Variants in NCAM2 observed in about 807,000 individuals in gnomAD.
NCAM2 encodes the protein N-CAM-2.
Under a neutral mutation model 98.1 loss-of-function variants are expected in NCAM2, and 30 were observed. The observed-to-expected ratio is 0.31, with a 90% CI of 0.23 to 0.41. The LOEUF (loss-of-function observed/expected upper bound fraction) is 0.41, where lower values mean the gene tolerates loss of function less well. NCAM2 is among the 10% of genes least tolerant of loss of function. The pLI is 1.00. For synonymous variants in NCAM2, 368 were observed against 342.4 expected, an observed-to-expected ratio of 1.07 and a Z score of -0.83; for missense variants, 867 against 1,005.8, an observed-to-expected ratio of 0.86 and a Z score of 1.87.
At chr21:21,192,315 G>T (rs1442794346) in intron 1 of NCAM2, among the ~76,000 whole-genome samples, 2 of 152,130 alleles carry the variant, frequency 1.3e-5, no homozygotes, top group Non-Finnish European at 2.9e-5. Context: ...AATTTAGATG[G>T]ATGAGAATCA....
At chr21:21,528,053 A>C (rs1484775492) in intron 16 of NCAM2, among the ~76,000 whole-genome samples, 1 of 152,234 alleles carries the variant, frequency 6.6e-6, no homozygotes, top group Non-Finnish European at 1.5e-5. Flanking sequence ...GACATGGAGG[A>C]AACTTAGATG....
intron 1 of NCAM2, among the ~76,000 whole-genome samples, chr21:21,221,733 A>G (rs1339265299): frequency 6.6e-6 from 1 of 152,186 alleles, no homozygotes; most frequent in African/African-American, 2.4e-5. Context: ...ATGTTAGGTG[A>G]ATTTGGAAAT....
intron 16 of NCAM2, among the ~76,000 whole-genome samples, chr21:21,514,623 ATCTT>A (rs1350345583): frequency 6.6e-6 from 1 of 152,060 alleles, no homozygotes; most frequent in Admixed American, 6.6e-5. Context: ...TTTCCACTAA[ATCTT>A]TATCATTTCG....
chr21:21,356,580 T>C (rs1385619292), intron 8 of NCAM2, among the ~76,000 whole-genome samples: 3 of 152,188 alleles, frequency 2.0e-5, no homozygotes, highest in Non-Finnish European at 4.4e-5. Flanking sequence ...GTCATAGTAA[T>C]TTATGTAACT....
intron 1 of NCAM2, among the ~76,000 whole-genome samples, chr21:21,039,232 A>G (rs777297360): frequency 2.6e-5 from 4 of 152,112 alleles, no homozygotes; most frequent in Non-Finnish European, 2.9e-5. Context: ...CTATCATTCT[A>G]TGGTCTACCT....
intron 16 of NCAM2, among the ~76,000 whole-genome samples, chr21:21,527,042 A>G (rs1273603547): frequency 6.6e-6 from 1 of 152,206 alleles, no homozygotes; most frequent in Non-Finnish European, 1.5e-5. Flanking sequence ...CATGGCAGAT[A>G]ATCTAGATGA....
In NCAM2 at chr21:21,028,642, A is replaced by G. The variant is rs1039850710; in HGVS notation, c.55+30024A>G. Among the ~76,000 whole-genome samples the G allele has an allele frequency of 8.5e-5, 13 of 152,242 alleles. 1 individual carries two copies. The highest frequency in any genetic ancestry group is 8.5e-4 in the Admixed American group (13 of 15,282). On this transcript the variant is annotated intron_variant, in intron 1 of 17. Coordinates refer to ENST00000400546, the MANE Select transcript of NCAM2 (RefSeq NM_004540.5). The stretch of plus-strand genomic sequence containing the variant: ...AACTGAATTAAAATGAGACAGTGCA[A>G]TGCAATATGCAGAATTACGCAAGAC...
chr21:21,483,902 T>C (rs1986116370), intron 15 of NCAM2, among the ~76,000 whole-genome samples: 1 of 152,200 alleles, frequency 6.6e-6, no homozygotes, highest in South Asian at 2.1e-4. Context: ...TTTAATTATG[T>C]GAATATGCAA....
At chr21:21,218,410 A>AG (rs2069997431) in intron 1 of NCAM2, among the ~76,000 whole-genome samples, 1 of 152,160 alleles carries the variant, frequency 6.6e-6, no homozygotes, top group South Asian at 2.1e-4. Flanking sequence ...TTTAAGTTAA[A>AG]GGTTGTTGTA....
chr21:21,265,686 A>C (rs1400985646), intron 1 of NCAM2, among the ~76,000 whole-genome samples: 1 of 151,702 alleles, frequency 6.6e-6, no homozygotes, highest in African/African-American at 2.4e-5. Context: ...ACATATTCTC[A>C]CTTATAAGTG....
intron 4 of NCAM2, among the ~76,000 whole-genome samples, chr21:21,286,687 G>A (rs1213295548): frequency 6.6e-6 from 1 of 151,680 alleles, no homozygotes; most frequent in Non-Finnish European, 1.5e-5. Context: ...TTGAGAAGCT[G>A]TGGCTAAAAA....
At position 21,157,088 on chromosome 21, in the gene NCAM2, T is replaced by G. The variant is rs1042414092; in HGVS notation, c.56-123490T>G. 6.6e-5 allele frequency among the ~76,000 whole-genome samples: 10 copies of G among 152,224 alleles called. No homozygotes were observed. The South Asian group carries it at 2.1e-3, about 32-fold the overall frequency. ...CTTTTTTCTAATAGACTGTGTAAGA[T>G]GCCTGCCACGTGTTCCTTATCCCCA... On this transcript the variant is annotated intron_variant, in intron 1 of 17. Coordinates refer to ENST00000400546, the MANE Select transcript of NCAM2 (RefSeq NM_004540.5).
rs141609971 is a variant in NCAM2 at position 21,447,913 on chromosome 21, T to C, written c.1654+15632T>C. On this transcript the variant is annotated intron_variant, in intron 12 of 17. Transcript: ENST00000400546. ...GAAACAATAGATGCCAGAGAGGTTG[T>C]GGAGTAATAGGAATGCTTTTACACT... Among the ~76,000 whole-genome samples, 1,435 of 152,232 alleles carry C rather than the reference T, an allele frequency of 9.4e-3. 18 individuals carry two copies. The highest frequency in any genetic ancestry group is 0.033 in the African/African-American group (1,371 of 41,532).
chr21:21,169,727 T>C (rs1039865127), intron 1 of NCAM2, among the ~76,000 whole-genome samples: 15 of 152,138 alleles, frequency 9.9e-5, no homozygotes, highest in Middle Eastern at 3.2e-3. Context: ...GACTGGAGGA[T>C]AACTGGAGCC....
intron 1 of NCAM2, among the ~76,000 whole-genome samples, chr21:21,192,439 A>G: frequency 6.6e-6 from 1 of 152,170 alleles, no homozygotes; most frequent in East Asian, 1.9e-4. Flanking sequence ...CACATATGAC[A>G]TTAAAATATG....
At chr21:21,360,692 G>A (rs1052302012) in intron 8 of NCAM2, among the ~76,000 whole-genome samples, 1 of 146,720 alleles carries the variant, frequency 6.8e-6, no homozygotes, top group East Asian at 2.0e-4. Context: ...TTTTTTTTTC[G>A]CTTAAAGAAA....
intron 1 of NCAM2, among the ~76,000 whole-genome samples, chr21:21,102,973 A>G (rs1039751279): frequency 6.6e-6 from 1 of 151,972 alleles, no homozygotes; most frequent in Non-Finnish European, 1.5e-5. Context: ...AAGTCCCATC[A>G]CCTAATGCAT....
chr21:21,071,475 A>G (rs1034245939), intron 1 of NCAM2, among the ~76,000 whole-genome samples: 7 of 152,226 alleles, frequency 4.6e-5, no homozygotes, highest in Admixed American at 2.0e-4. Flanking sequence ...CAAGCTAAAA[A>G]AAAAGCATTT....
At chr21:21,373,793 TTA>T in intron 8 of NCAM2, 68 bp from the exon 9 acceptor site, 2 of 1,279,018 alleles carry the variant, frequency 1.6e-6, no homozygotes. Flanking sequence ...TAACATAATG[TTA>T]TATGTTTGGT....
Sources: gnomAD v4.1 joint callset for allele counts (sites outside exome capture counted in the v4.1 genomes callset) on GRCh38, gnomAD v4.1.1 for gene constraint, MANE v1.5 for transcripts, NCBI Gene and HGNC (gene_info 2026-07-23, HGNC 2026-07-21) for gene names.